Variants in NBAS observed in about 807,000 individuals in gnomAD.
NBAS encodes NAG/BC035112 fusion.
A neutral mutation model predicts 302.5 loss-of-function variants in NBAS; 219 were observed. The observed-to-expected ratio is 0.72, with a 90% confidence interval of 0.65 to 0.81. The LOEUF (loss-of-function observed/expected upper bound fraction) is 0.81. NBAS is among the 30% of genes least tolerant of loss of function. The pLI, the probability that NBAS is intolerant of heterozygous loss-of-function variation, is 0.00. For missense variants in NBAS, 2,932 were observed against 2,841.6 expected, an observed-to-expected ratio of 1.03 and a Z score of -0.72; for synonymous variants, 1,118 against 1,021.6, an observed-to-expected ratio of 1.09 and a Z score of -1.80.
chr2:15,512,744 T>C (rs1396247413), intron 9 of NBAS, among the ~76,000 whole-genome samples: 1 of 152,080 alleles, frequency 6.6e-6, no homozygotes, highest in Non-Finnish European at 1.5e-5. Context: ...AAATAGATTC[T>C]CCCCAAGCCT....
chr2:15,241,205 T>C (rs1667852681), intron 44 of NBAS, among the ~76,000 whole-genome samples: 1 of 152,198 alleles, frequency 6.6e-6, no homozygotes, highest in Non-Finnish European at 1.5e-5. Flanking sequence ...TTTATTATAT[T>C]CATATTTGTT....
intron 32 of NBAS, among the ~76,000 whole-genome samples, chr2:15,359,837 G>T (rs1435827771): frequency 6.6e-6 from 1 of 152,110 alleles, no homozygotes; most frequent in Non-Finnish European, 1.5e-5. Context: ...AAAAAATACA[G>T]TCATGAGTTG....
chr2:14,838,793 T>G, the NBAS span, among the ~76,000 whole-genome samples: 276 of 152,038 alleles, frequency 1.8e-3, 1 homozygote, highest in African/African-American at 6.4e-3. Context: ...ACCACACACA[T>G]AACTTTAAGT....
At chr2:14,822,198 G>A in the NBAS span, among the ~76,000 whole-genome samples, 24 of 152,306 alleles carry the variant, frequency 1.6e-4, no homozygotes, top group Admixed American at 2.6e-4. Context: ...TGGGTCATCT[G>A]TCAGTTGAAA....
chr2:14,924,456 G>T, the NBAS span, among the ~76,000 whole-genome samples: 3 of 152,210 alleles, frequency 2.0e-5, no homozygotes, highest in African/African-American at 7.2e-5. Context: ...CTGCTCTCCA[G>T]ATATATGCAA....
At chr2:15,543,661 C>CGATAAAACCATCAGATCT (rs1663963053) in intron 6 of NBAS, among the ~76,000 whole-genome samples, 1 of 152,116 alleles carries the variant, frequency 6.6e-6, no homozygotes, top group Non-Finnish European at 1.5e-5. Flanking sequence ...CAGAAACCCC[C>CGATAAAACCATCAGATCT]GATAAAACCA....
chr2:15,179,556 G>A (rs1283781726), intron 50 of NBAS: 1 of 158,100 alleles, frequency 6.3e-6, no homozygotes, highest in Non-Finnish European at 1.4e-5. Context: ...AGTGGAGGCT[G>A]AATTATAATA....
At chr2:14,885,188 T>C in the NBAS span, among the ~76,000 whole-genome samples, 1 of 152,202 alleles carries the variant, frequency 6.6e-6, no homozygotes. Flanking sequence ...ATGACAAGCA[T>C]GGAAGCTCCA....
chr2:14,956,253 C>T, the NBAS span, among the ~76,000 whole-genome samples: 1 of 152,238 alleles, frequency 6.6e-6, no homozygotes. Context: ...TCACTACCAA[C>T]ATTGCGGCCA....
the NBAS span, among the ~76,000 whole-genome samples, chr2:15,029,475 G>GA: frequency 2.0e-5 from 3 of 152,280 alleles, no homozygotes; most frequent in East Asian, 3.9e-4. Context: ...AGAAAGGGGG[G>GA]AAAATGAGGT....
the NBAS span, among the ~76,000 whole-genome samples, chr2:14,809,293 C>T: frequency 6.6e-6 from 1 of 152,200 alleles, no homozygotes; most frequent in Non-Finnish European, 1.5e-5. Flanking sequence ...GGCAGCCCCT[C>T]CCACCACAGG....
chr2:15,223,785 C>T (rs1363205995), intron 47 of NBAS, among the ~76,000 whole-genome samples: 1 of 151,264 alleles, frequency 6.6e-6, no homozygotes, highest in African/African-American at 2.4e-5. Flanking sequence ...GCCGAGATCG[C>T]ACCACTGCAC....
At chr2:14,806,273 A>G in the NBAS span, among the ~76,000 whole-genome samples, 1 of 152,132 alleles carries the variant, frequency 6.6e-6, no homozygotes, top group Non-Finnish European at 1.5e-5. Flanking sequence ...TCAGTCATGA[A>G]GTTTATTATC....
chr2:15,097,034 G>A, the NBAS span, among the ~76,000 whole-genome samples: 14 of 152,196 alleles, frequency 9.2e-5, no homozygotes, highest in African/African-American at 3.4e-4. Context: ...AGAAGAGAAG[G>A]ATGCAAGCTG....
intron 25 of NBAS, 68 bp downstream of exon 25, chr2:15,415,478 G>A (rs1676881721): frequency 5.9e-6 from 8 of 1,362,166 alleles, no homozygotes; most frequent in Non-Finnish European, 8.4e-6. Flanking sequence ...CATAAAAATT[G>A]TATAAATAAA....
the NBAS span, among the ~76,000 whole-genome samples, chr2:15,010,664 C>T: frequency 2.1e-3 from 318 of 152,262 alleles, 2 homozygotes; most frequent in African/African-American, 7.3e-3. Context: ...AACTATTTTA[C>T]AAGAAATATT....
intron 23 of NBAS, 60 bp from the exon 24 acceptor site, chr2:15,417,772 G>T (rs1303595662): frequency 6.7e-7 from 1 of 1,494,082 alleles, no homozygotes; most frequent in African/African-American, 1.4e-5. Context: ...CTATTCTAAA[G>T]TAAAAGTCTC....
At chr2:15,327,929 G>A (rs1672150506) in intron 37 of NBAS, 59 bp from the exon 38 acceptor site, 5 of 1,599,912 alleles carry the variant, frequency 3.1e-6, no homozygotes, top group South Asian at 1.1e-5. Flanking sequence ...ACAAACATAT[G>A]CTTAGAAAAC....
chr2:15,336,418 T>C (rs1216051770), intron 35 of NBAS, among the ~76,000 whole-genome samples: 1 of 152,182 alleles, frequency 6.6e-6, no homozygotes, highest in Non-Finnish European at 1.5e-5. Context: ...GCTGATTAAA[T>C]GTTTGAAGAT....
Sources: allele counts gnomAD v4.1 joint callset (sites outside exome capture counted in the v4.1 genomes callset), GRCh38; gene constraint gnomAD v4.1.1; transcripts MANE v1.5; gene names NCBI Gene and HGNC (gene_info 2026-07-23, HGNC 2026-07-21).